BRINP1: variants seen among roughly 807,000 people sequenced by gnomAD.
BRINP1 encodes the protein BMP/retinoic acid-inducible neural-specific protein 1.
BRINP1 carries 17 observed loss-of-function variants against 72.9 expected under a neutral mutation model. That is an observed-to-expected ratio of 0.23 (90% CI 0.16 to 0.35). BRINP1 has a LOEUF of 0.35. Ranked by LOEUF, BRINP1 falls within the 10% of genes least tolerant of loss-of-function variation. BRINP1 has a pLI of 1.00. For missense variants in BRINP1, 850 were observed against 1,001.6 expected, an observed-to-expected ratio of 0.85 and a Z score of 2.04; for synonymous variants, 418 against 378.5, an observed-to-expected ratio of 1.10 and a Z score of -1.21.
chr9:119,174,882 C>T (rs1267336736), intron 7 of BRINP1, among the ~76,000 whole-genome samples: 1 of 150,280 alleles, frequency 6.7e-6, no homozygotes, highest in East Asian at 2.0e-4. Context: ...AAACCAAACA[C>T]CGCATATTCT....
chr9:119,175,135 CAAAAA>C (rs112641044), intron 7 of BRINP1, among the ~76,000 whole-genome samples: 3 of 106,712 alleles, frequency 2.8e-5, no homozygotes, highest in Admixed American at 9.5e-5. Context: ...AAAAAAAAGA[CAAAAA>C]AAAAAAGAAA....
chr9:119,360,912 T>C lies in BRINP1; in HGVS notation c.-51+8144A>G, dbSNP rs146909607. 6.8e-4 allele frequency among the ~76,000 whole-genome samples: 104 copies of C among 152,334 alleles called. 1 individual carries two copies. The highest frequency in any genetic ancestry group is 1.1e-3 in the Non-Finnish European group (73 of 68,034). On this transcript the variant is annotated intron_variant, in intron 1 of 7. Transcript: ENST00000265922. ...TGCAGTTTACACAAAAATGGTTGCATGTTGCTTTTGTTAATTACCTTATCA... is the reference window on the plus strand; with the variant it reads ...TGCAGTTTACACAAAAATGGTTGCACGTTGCTTTTGTTAATTACCTTATCA...
intron 7 of BRINP1, among the ~76,000 whole-genome samples, chr9:119,190,424 A>T (rs1829671859): frequency 6.6e-6 from 1 of 151,810 alleles, no homozygotes; most frequent in African/African-American, 2.4e-5. Context: ...AAAAAAAAAA[A>T]AATAAGGAAA....
At chr9:119,180,494 T>C (rs2118837587) in intron 7 of BRINP1, among the ~76,000 whole-genome samples, 1 of 151,662 alleles carries the variant, frequency 6.6e-6, no homozygotes, top group African/African-American at 2.4e-5. Flanking sequence ...TGTGTGTGTG[T>C]GTGTGTGTGT....
intron 7 of BRINP1, among the ~76,000 whole-genome samples, chr9:119,172,533 G>A (rs947080051): frequency 6.6e-6 from 1 of 151,504 alleles, no homozygotes; most frequent in African/African-American, 2.4e-5. Flanking sequence ...TGGATTCACA[G>A]CCGAATTCTA....
At chr9:119,358,537 A>G (rs4601394) in intron 1 of BRINP1, among the ~76,000 whole-genome samples, 44,307 of 152,080 alleles carry the variant, frequency 0.29, 8,243 homozygotes, top group East Asian at 0.85. Flanking sequence ...CTACCAAAAT[A>G]TAAAAAATTA....
intron 4 of BRINP1, among the ~76,000 whole-genome samples, chr9:119,240,112 T>C (rs540359625): frequency 2.0e-5 from 3 of 152,014 alleles, no homozygotes; most frequent in South Asian, 4.2e-4. Context: ...CTACTAAAAA[T>C]ACAAAAATTA....
chr9:119,245,235 T>C (rs1435730001), intron 3 of BRINP1, among the ~76,000 whole-genome samples: 1 of 152,200 alleles, frequency 6.6e-6, no homozygotes, highest in Non-Finnish European at 1.5e-5. Context: ...CAACCATATA[T>C]ATGTGAATGA....
chr9:119,263,896 CAG>C (rs1830521914), intron 2 of BRINP1, among the ~76,000 whole-genome samples: 1 of 152,180 alleles, frequency 6.6e-6, no homozygotes, highest in African/African-American at 2.4e-5. Flanking sequence ...GCGTGAGCCA[CAG>C]CGCCCGGCCA....
chr9:119,314,953 AGT>A (rs1831110555), intron 1 of BRINP1, among the ~76,000 whole-genome samples: 1 of 152,194 alleles, frequency 6.6e-6, no homozygotes, highest in Admixed American at 6.5e-5. Flanking sequence ...TCCCTATGAC[AGT>A]GTTTTTGTTC....
rs141983456 is a variant in BRINP1 at position 119,323,761 on chromosome 9, T to A, written c.-50-10356A>T. Among the ~76,000 whole-genome samples, 7 of 152,352 alleles carry A rather than the reference T, an allele frequency of 4.6e-5. No homozygotes were observed. In the East Asian group the frequency reaches 1.4e-3, roughly 29 times the overall value. On this transcript the variant is annotated intron_variant, in intron 1 of 7. Transcript: ENST00000265922. ...CACTTCTCCATTGTTGGCCAAACTT[T>A]ATGCCTTGAAGAAGTCAGAGGTCAA...
chr9:119,309,953 G>A (rs896777798), intron 2 of BRINP1, among the ~76,000 whole-genome samples: 12 of 152,108 alleles, frequency 7.9e-5, no homozygotes, highest in African/African-American at 2.9e-4. Context: ...AGTGAGTGCT[G>A]CATACATGAA....
intron 5 of BRINP1, among the ~76,000 whole-genome samples, chr9:119,235,010 G>A (rs367746195): frequency 2.0e-4 from 30 of 151,924 alleles, no homozygotes; most frequent in South Asian, 1.0e-3. Flanking sequence ...CTAAATCCTC[G>A]TCATAATGCC....
At chr9:119,326,490 T>C (rs939145677) in intron 1 of BRINP1, among the ~76,000 whole-genome samples, 11 of 152,232 alleles carry the variant, frequency 7.2e-5, no homozygotes, top group African/African-American at 2.2e-4. Context: ...GATCCTATTA[T>C]ATTTTATTAA....
intron 7 of BRINP1, among the ~76,000 whole-genome samples, chr9:119,174,462 A>C (rs537056619): frequency 1.4e-5 from 2 of 147,768 alleles, no homozygotes; most frequent in South Asian, 4.3e-4. Flanking sequence ...AAAAGTCAGG[A>C]AACAACAGGT....
At chr9:119,176,879 GA>G (rs1466884817) in intron 7 of BRINP1, among the ~76,000 whole-genome samples, 1 of 152,168 alleles carries the variant, frequency 6.6e-6, no homozygotes, top group East Asian at 1.9e-4. Flanking sequence ...TATCGGCTGG[GA>G]AAAAATGGCG....
At chr9:119,225,581 A>G (rs1830081751) in intron 5 of BRINP1, among the ~76,000 whole-genome samples, 1 of 151,966 alleles carries the variant, frequency 6.6e-6, no homozygotes, top group South Asian at 2.1e-4. Flanking sequence ...ATTAATTTTT[A>G]AATAGTCTCT....
At chr9:119,338,116 G>A (rs963544855) in intron 1 of BRINP1, among the ~76,000 whole-genome samples, 3 of 152,196 alleles carry the variant, frequency 2.0e-5, no homozygotes, top group African/African-American at 7.2e-5. Context: ...GCAGGGAGGA[G>A]TGTTGAGTTG....
At chr9:119,251,183 T>C (rs950128177) in intron 2 of BRINP1, among the ~76,000 whole-genome samples, 3 of 152,168 alleles carry the variant, frequency 2.0e-5, no homozygotes, top group Non-Finnish European at 4.4e-5. Flanking sequence ...GGTACTTAAG[T>C]CAATCAACTG....
Sources: gnomAD v4.1 joint callset for allele counts (sites outside exome capture counted in the v4.1 genomes callset) on GRCh38, gnomAD v4.1.1 for gene constraint, MANE v1.5 for transcripts, NCBI Gene and HGNC (gene_info 2026-07-23, HGNC 2026-07-21) for gene names.